NOL8: variants seen among roughly 807,000 people sequenced by gnomAD.
NOL8 encodes nucleolar protein 8.
Under a neutral mutation model 116.1 loss-of-function variants are expected in NOL8, and 93 were observed. The ratio of observed to expected loss-of-function variants is 0.80; its 90% CI spans 0.68 to 0.95. The LOEUF is 0.95. Among genes scored for constraint, NOL8 ranks in the 40% least tolerant of loss-of-function variants. The pLI is 0.00. For missense variants in NOL8, 1,291 were observed against 1,382.8 expected, an observed-to-expected ratio of 0.93 and a Z score of 1.05; for synonymous variants, 419 against 469.0, an observed-to-expected ratio of 0.89 and a Z score of 1.38.
rs937511095 is a variant in NOL8, at chr9:92,309,182, C to T, written c.2686+989G>A. On this transcript the variant is annotated intron_variant, in intron 10 of 16. Coordinates refer to ENST00000442668, the MANE Select transcript of NOL8 (RefSeq NM_017948.6). The stretch of plus-strand genomic sequence containing the variant: ...CTCTCTGAACCTTGGTTTCCTGAAA[C>T]AGTCCAACACTGTTAATAATCACCT... 6.6e-5 allele frequency among the ~76,000 whole-genome samples: 10 copies of T among 152,212 alleles called. 1 individual carries two copies. Among genetic ancestry groups the T allele is most frequent in the Admixed American group, 5.2e-4 (8 of 15,288 alleles).
intron 13 of NOL8, chr9:92,300,906 G>A (rs940553524): frequency 7.0e-6 from 7 of 1,000,148 alleles, no homozygotes; most frequent in Non-Finnish European, 8.5e-6. Context: ...AGTTAGGTAT[G>A]TGTGTATTCT....
Position 92,315,299 on chromosome 9 carries a change from T to G in NOL8, c.1326A>C (p.Leu442Phe). The G allele has an allele frequency of 6.2e-7, 1 of 1,614,016 alleles. No homozygotes were observed. The highest frequency in any genetic ancestry group is 8.5e-7 in the Non-Finnish European group (1 of 1,179,886). ...AGGGAGATTTACGATTAAGAGACTTTAATCCATGACTGAGGGCTGACTCTA... is the reference window on the plus strand; with the variant it reads ...AGGGAGATTTACGATTAAGAGACTTGAATCCATGACTGAGGGCTGACTCTA... ...SNVESALSHG[L>F]KSLNRKSPSH... Residue 442 changes from leucine to phenylalanine, a missense_variant, in exon 7 of 17, where the codon TTA (leucine) becomes TTC (phenylalanine). Leu to Phe is a conservative substitution (Grantham distance 22, BLOSUM62 0). Coordinates refer to ENST00000442668, the MANE Select transcript of NOL8 (RefSeq NM_017948.6).
chr9:92,318,329 C>A (rs1210299016), intron 6 of NOL8, among the ~76,000 whole-genome samples: 1 of 152,154 alleles, frequency 6.6e-6, no homozygotes, highest in Non-Finnish European at 1.5e-5. Flanking sequence ...GGTCTCTCAC[C>A]CCTCTTTAGC....
At chr9:92,306,079 C>T (rs41297185) in intron 11 of NOL8, among the ~76,000 whole-genome samples, 4,092 of 152,206 alleles carry the variant, frequency 0.027, 76 homozygotes, top group Non-Finnish European at 0.039. Flanking sequence ...CTGCAACCTC[C>T]GCCTCCCAAG....
intron 7 of NOL8, among the ~76,000 whole-genome samples, chr9:92,312,827 C>CAAAAAAAAAAAAAAAAAAAAAAAAA (rs35089570): frequency 1.8e-5 from 1 of 55,464 alleles, no homozygotes; most frequent in Non-Finnish European, 3.4e-5. Context: ...AACTCCATCT[C>CAAAAAAAAAAAAAAAAAAAAAAAAA]AAAAAAAAAA....
chr9:92,303,426 C>G (rs1013418998), intron 12 of NOL8, among the ~76,000 whole-genome samples: 4 of 152,136 alleles, frequency 2.6e-5, no homozygotes, highest in Non-Finnish European at 4.4e-5. Flanking sequence ...ATTTCAGTGT[C>G]CTTTAATAGT....
At chr9:92,300,553 C>T in intron 13 of NOL8, 1 of 990,438 alleles carries the variant, frequency 1.0e-6, no homozygotes, top group Non-Finnish European at 1.2e-6. Context: ...TTTCAAGTTG[C>T]TGATGTCTTT....
intron 5 of NOL8, 137 bp from the exon 6 acceptor site, chr9:92,318,823 G>C (rs1175212332): frequency 3.4e-6 from 2 of 587,484 alleles, no homozygotes; most frequent in Non-Finnish European, 2.8e-6. Context: ...AATGAAATAA[G>C]AGTTACCAAA....
At chr9:92,300,939 T>C in intron 13 of NOL8, 1 of 872,320 alleles carries the variant, frequency 1.1e-6, no homozygotes, top group Non-Finnish European at 1.4e-6. Flanking sequence ...TTACCTGCTT[T>C]TACAGTGGGA....
intron 7 of NOL8, among the ~76,000 whole-genome samples, chr9:92,313,813 C>T (rs1839086831): frequency 6.6e-6 from 1 of 152,192 alleles, no homozygotes; most frequent in Non-Finnish European, 1.5e-5. Context: ...AGGGGCACAA[C>T]CCCCTCCTGG....
chr9:92,310,967 G>C, intron 8 of NOL8, 179 bp downstream of exon 8: 1 of 596,882 alleles, frequency 1.7e-6, no homozygotes, highest in Non-Finnish European at 2.9e-6. Context: ...ATGTTGTGGA[G>C]AATATAGGTT....
At chr9:92,311,117 T>A in intron 8 of NOL8, 29 bp downstream of exon 8, 1 of 1,516,002 alleles carries the variant, frequency 6.6e-7, no homozygotes, top group Non-Finnish European at 9.1e-7. Context: ...AGTAGATGAA[T>A]GTCCACAGAG....
Position 92,314,677 on chromosome 9 carries a change from T to C in NOL8, c.1948A>G (p.Thr650Ala), listed in dbSNP as rs1333096131. The C allele has an allele frequency of 1.2e-6, 2 of 1,613,734 alleles. No homozygotes were observed. The highest frequency in any genetic ancestry group is 1.1e-5 in the South Asian group (1 of 91,004). Residue 650 changes from threonine (T) to alanine (A), a missense_variant, in exon 7 of 17, where the codon ACT becomes GCT. By Grantham distance (58) the Thr-to-Ala change is moderately conservative (BLOSUM62 0). Coordinates refer to ENST00000442668, the MANE Select transcript of NOL8 (RefSeq NM_017948.6). ...NYIQPQKRQT[T>A]FESQDRKAVS... ...GCCTTGCGATCCTGGCTTTCAAAAG[T>C]GGTCTGTCTTTTTTGAGGCTGAATA...
At chr9:92,320,351 A>G (rs1466645564) in intron 4 of NOL8, 2 of 364,738 alleles carry the variant, frequency 5.5e-6, no homozygotes, top group African/African-American at 4.2e-5. Flanking sequence ...ATGGGGCTCT[A>G]GTGCCTGTAC....
rs1481039474 is a variant in NOL8 at position 92,315,041 on chromosome 9, A to T, written c.1584T>A (p.Thr528=). The change falls in exon 7 of 17, where the codon ACT becomes ACA. Residue 528 remains threonine, a synonymous_variant. Coordinates refer to ENST00000442668, the MANE Select transcript of NOL8 (RefSeq NM_017948.6). ...KFDRGSKSPK[T]PTGLRRGRQC... ...GTCGGCCTCTGCGGAGGCCAGTGGG[A>T]GTCTTGGGGCTCTTGGAGCCTCTGT... 7 of 1,613,854 alleles carry T rather than the reference A, an allele frequency of 4.3e-6. No homozygotes were observed. The highest frequency in any genetic ancestry group is 1.6e-4 in the Middle Eastern group (1 of 6,084).
intron 9 of NOL8, 33 bp from the exon 10 acceptor site, chr9:92,310,294 C>CCA: frequency 6.4e-7 from 1 of 1,555,332 alleles, no homozygotes; most frequent in South Asian, 1.2e-5. Context: ...TAATTGATAG[C>CCA]CACATTCCCA....
chr9:92,314,548 A>G lies in NOL8; in HGVS notation c.2077T>C (p.Phe693Leu). The G allele has an allele frequency of 6.2e-7, 1 of 1,613,582 alleles. No individual in the cohort carries two copies. Among genetic ancestry groups the G allele is most frequent in the Non-Finnish European group, 8.5e-7 (1 of 1,179,698 alleles). The change falls in exon 7 of 17, where the codon TTT becomes CTT. Residue 693 changes from phenylalanine (F) to leucine (L), a missense_variant. Physicochemically the swap from Phe to Leu is conservative, Grantham distance 22 (BLOSUM62 0). Transcript: ENST00000442668. ...GTACTATGGCAGCTGTCTTTGTCAA[A>G]GCCTATGTTGTGAGTCTTTGCACTA... ...SLSAKTHNIG[F>L]DKDSCHSTTK...
intron 12 of NOL8, 61 bp from the exon 13 acceptor site, chr9:92,301,883 A>T: frequency 7.0e-7 from 1 of 1,424,780 alleles, no homozygotes; most frequent in Non-Finnish European, 9.3e-7. Flanking sequence ...AATTTCCAGA[A>T]ATCAAGAAAA....
In NOL8 at chr9:92,314,927, T is replaced by C; in HGVS notation, c.1698A>G (p.Leu566=). ...CGKQKPKENN[L]KPKFQAFKGV... ...CCTTGAAAGCCTGAAATTTTGGCTT[T>C]AAATTGTTTTCCTTTGGTTTCTGTT... The change falls in exon 7 of 17, where the codon TTA becomes TTG. Residue 566 remains leucine (L), a synonymous_variant. Transcript: ENST00000442668. 6.2e-7 allele frequency: 1 copy of C among 1,613,900 alleles called. No homozygotes were observed.
Sources: allele counts gnomAD v4.1 joint callset (sites outside exome capture counted in the v4.1 genomes callset), GRCh38; gene constraint gnomAD v4.1.1; transcripts MANE v1.5; gene names NCBI Gene and HGNC (gene_info 2026-07-23, HGNC 2026-07-21).